Variants in CCDC27 observed in about 807,000 individuals in gnomAD.
The protein encoded by CCDC27 is coiled-coil domain containing 27.
Under a neutral mutation model 80.3 loss-of-function variants are expected in CCDC27, and 80 were observed. That is an observed-to-expected ratio of 1.00 (90% CI 0.83 to 1.20). CCDC27 has a LOEUF of 1.20. CCDC27 is among the 50% of genes most tolerant of loss of function. The probability of loss-of-function intolerance (pLI) is 0.00; values close to 1 mark genes in which losing one functional copy is unlikely to be tolerated. For missense variants in CCDC27, 815 were observed against 809.4 expected (o/e 1.01, Z -0.08); for synonymous variants, 342 against 334.3 (o/e 1.02, Z -0.25).
chr1:3,762,625 G>C lies in CCDC27; in HGVS notation c.867G>C (p.Gln289His). Reference protein sequence around the residue: ...ETSMSPGRREQLSDASLKLGR... With the variant: ...ETSMSPGRREHLSDASLKLGR... ...GTCCCACGGGCGTCTTGCAGGAGCA[G>C]CTCTCAGACGCTTCGCTGAAGCTGG... Residue 289 changes from glutamine (Q) to histidine (H), a missense_variant, in exon 6 of 12, where the codon CAG becomes CAC. Coordinates refer to ENST00000294600, the MANE Select transcript of CCDC27 (RefSeq NM_152492.3). 6.4e-7 allele frequency: 1 copy of C among 1,550,732 alleles called. No individual in the cohort carries two copies. The highest frequency in any genetic ancestry group is 8.7e-7 in the Non-Finnish European group (1 of 1,146,748).
intron 4 of CCDC27, 114 bp downstream of exon 4, chr1:3,757,004 AAGC>A: frequency 1.6e-6 from 2 of 1,290,252 alleles, no homozygotes; most frequent in Non-Finnish European, 2.1e-6. Flanking sequence ...TAGCTGCATC[AAGC>A]AGGTCCCCAT....
rs746307303 is a variant in CCDC27 at position 3,763,110 on chromosome 1, G to GGGTA, written c.957_958insGGTA (p.Gln320GlyfsTer49). ...CCCCTGCCCTACCCATCTTACAGAT[G>GGGTA]CAGGAGGAGTCTGCGGCACCGGAGA... is the stretch of plus-strand genomic sequence containing the variant. On this transcript the variant is annotated frameshift_variant, in exon 7 of 12. Coordinates refer to ENST00000294600, the MANE Select transcript of CCDC27 (RefSeq NM_152492.3). LOFTEE classifies it high-confidence loss of function. The surrounding 1 kb of genome is among the most constrained non-coding windows in gnomAD (Gnocchi z 7.5). 1.4e-6 allele frequency: 2 copies of GGGTA among 1,473,332 alleles called. No homozygotes were observed. The highest frequency in any genetic ancestry group is 2.9e-5 in the South Asian group (2 of 69,352). The allele number at this position is 1,473,332 out of a possible 1,614,324, so 91.3% of individuals were successfully genotyped here. A position where few individuals can be genotyped will look rare whatever the true frequency, so the allele number is the denominator to read the frequency against.
rs1643052655 is a variant in CCDC27 at position 3,760,166 on chromosome 1, A to ACC, written c.712-1114_712-1113dup. Among the ~76,000 whole-genome samples, 1 of 152,194 alleles carries ACC rather than the reference A, an allele frequency of 6.6e-6. No individual in the cohort carries two copies. Among genetic ancestry groups the ACC allele is most frequent in the Non-Finnish European group, 1.5e-5 (1 of 68,050 alleles). On this transcript the variant is annotated intron_variant, in intron 4 of 11. Transcript: ENST00000294600. This position sits in a 1 kb window ranked among gnomAD's most constrained non-coding sequence, Gnocchi z 4.3. ...TTTTGAGACGTGCAAGTGTCTCGGG[A>ACC]CCATGGCTTGGGTGATGAAATGTGA...
At position 3,763,993 on chromosome 1, in the gene CCDC27, T is replaced by C. The variant is rs547375977; in HGVS notation, c.1452+157T>C. ...AGCTGGCCCAGGGTTGTGCGGCTGA[T>C]AGCGGCCCCGCTAGGATTCCCCAAG... is the stretch of plus-strand genomic sequence containing the variant. On this transcript the variant is annotated intron_variant, in intron 8 of 11. Coordinates refer to ENST00000294600, the MANE Select transcript of CCDC27 (RefSeq NM_152492.3). This position sits in a 1 kb window ranked among gnomAD's most constrained non-coding sequence, Gnocchi z 7.5. Among the ~76,000 whole-genome samples, 6 of 152,176 alleles carry C rather than the reference T, an allele frequency of 3.9e-5. No homozygotes were observed. Among genetic ancestry groups the C allele is most frequent in the Non-Finnish European group, 8.8e-5 (6 of 68,028 alleles).
intron 11 of CCDC27, among the ~76,000 whole-genome samples, chr1:3,770,547 C>A (rs1229582052): frequency 6.6e-6 from 1 of 152,258 alleles, no homozygotes; most frequent in Non-Finnish European, 1.5e-5. Flanking sequence ...CGGGCACCGG[C>A]TATGGCTCTG....
rs1002491444 is a variant in CCDC27 at position 3,756,612 on chromosome 1, G to C, written c.554-121G>C. ...AGAGTTAGGAGACAGATTGGAGTCT[G>C]TCTGGGCAGATAGGGGTTTCCGAGG... On this transcript the variant is annotated intron_variant, in intron 3 of 11. Transcript: ENST00000294600. The C allele has an allele frequency of 6.8e-5, 70 of 1,032,290 alleles. No homozygotes were observed. The Admixed American group carries it at 8.5e-4, about 12-fold the overall frequency. The allele number at this position is 1,032,290 out of a possible 1,614,324, so 63.9% of individuals were successfully genotyped here. A position where few individuals can be genotyped will look rare whatever the true frequency, so the allele number is the denominator to read the frequency against.
Position 3,753,324 on chromosome 1 carries a change from T to C in CCDC27, c.318+525T>C, listed in dbSNP as rs370048436. Among the ~76,000 whole-genome samples, 10 of 111,984 alleles carry C rather than the reference T, an allele frequency of 8.9e-5. No homozygotes were observed. The East Asian group carries it at 2.4e-3, about 27-fold the overall frequency. The allele number at this position is 111,984 out of a possible 152,430, so 73.5% of individuals were successfully genotyped here. A position where few individuals can be genotyped will look rare whatever the true frequency, so the allele number is the denominator to read the frequency against. ...ATGGTTTCTTTTTTTCTTTTTCTTTTTTTTTTTTTTTTTTTTGAGACGGAG... is the reference window on the plus strand; with the variant it reads ...ATGGTTTCTTTTTTTCTTTTTCTTTCTTTTTTTTTTTTTTTTGAGACGGAG... On this transcript the variant is annotated intron_variant, in intron 1 of 11. Transcript: ENST00000294600.
intron 4 of CCDC27, among the ~76,000 whole-genome samples, chr1:3,759,963 A>G (rs1192968640): frequency 6.6e-6 from 1 of 152,204 alleles, no homozygotes; most frequent in Non-Finnish European, 1.5e-5. Context: ...CAGGAGCTCC[A>G]AGGGGCTCAT....
intron 4 of CCDC27, among the ~76,000 whole-genome samples, chr1:3,759,812 T>C (rs1217342606): frequency 6.6e-6 from 1 of 152,242 alleles, no homozygotes; most frequent in Non-Finnish European, 1.5e-5. Context: ...AGTAATTTCA[T>C]TTCTGAGAAA....
At position 3,755,482 on chromosome 1, in the gene CCDC27, C is replaced by A. The variant is rs769266294; in HGVS notation, c.468C>A (p.Ser156=). The A allele has an allele frequency of 3.7e-6, 6 of 1,614,134 alleles. No homozygotes were observed. The East Asian group carries it at 1.3e-4, about 36-fold the overall frequency. The change falls in exon 3 of 12, where the codon TCC becomes TCA. Residue 156 remains serine, a synonymous_variant. Transcript: ENST00000294600. ...GTTCACCCACTGAGGCCGATTTGTC[C>A]GGAGAGATTGACAACAGCTCGGAGA... The part of the protein sequence containing the change: ...HCGSPTEADL[S]GEIDNSSETW...
At chr1:3,752,830 A>T (rs1642857095) in intron 1 of CCDC27, 31 bp downstream of exon 1, 1 of 1,593,258 alleles carries the variant, frequency 6.3e-7, no homozygotes, top group Non-Finnish European at 8.6e-7. Context: ...GGCTGCCACG[A>T]GCCTTGAGGT....
In CCDC27 at chr1:3,755,543, C is replaced by T. The variant is rs774973075; in HGVS notation, c.529C>T (p.Arg177Trp). 11 of 1,613,854 alleles carry T rather than the reference C, an allele frequency of 6.8e-6. No individual in the cohort carries two copies. Among genetic ancestry groups the T allele is most frequent in the Admixed American group, 1.7e-5 (1 of 60,006 alleles). ...CACCCAGGACCTGTTCTTGGCCAGG[C>T]GGGGCTCAGACACGAACGTGGACGG... ...RGTQDLFLARRGSDTNVDGYL... is the reference protein window; with the variant it reads ...RGTQDLFLARWGSDTNVDGYL... Residue 177 changes from arginine to tryptophan, a missense_variant, in exon 3 of 12, where the codon CGG becomes TGG. Arg to Trp is a moderately radical substitution (Grantham distance 101, BLOSUM62 -3). Coordinates refer to ENST00000294600, the MANE Select transcript of CCDC27 (RefSeq NM_152492.3).
intron 6 of CCDC27, 27 bp downstream of exon 6, chr1:3,762,739 G>A (rs918147923): frequency 1.8e-5 from 27 of 1,540,276 alleles, no homozygotes; most frequent in South Asian, 4.8e-5. Context: ...GAGCAGGCAC[G>A]CAGTGGGGGA....
chr1:3,767,679 C>T (rs1408819095), intron 10 of CCDC27, among the ~76,000 whole-genome samples: 2 of 152,170 alleles, frequency 1.3e-5, no homozygotes, highest in South Asian at 2.1e-4. Flanking sequence ...CAGTGGTGGG[C>T]GGAGCCCCAT....
At chr1:3,753,626 A>T (rs953222939) in intron 1 of CCDC27, among the ~76,000 whole-genome samples, 26 of 152,226 alleles carry the variant, frequency 1.7e-4, no homozygotes, top group African/African-American at 6.0e-4. Flanking sequence ...ATGAGCCACC[A>T]TGCCCGGCTG....
chr1:3,758,744 C>T lies in CCDC27; in HGVS notation c.711+1854C>T, dbSNP rs558363677. ...TCGAATAGCTGGGACCACAGGCACACGCCACCATGCCCATTAATTTTTTTC... is the reference window on the plus strand; with the variant it reads ...TCGAATAGCTGGGACCACAGGCACATGCCACCATGCCCATTAATTTTTTTC... On this transcript the variant is annotated intron_variant, in intron 4 of 11. Coordinates refer to ENST00000294600, the MANE Select transcript of CCDC27 (RefSeq NM_152492.3). 2.3e-3 allele frequency among the ~76,000 whole-genome samples: 355 copies of T among 152,304 alleles called. 2 individuals are homozygous for T. The highest frequency in any genetic ancestry group is 8.1e-3 in the African/African-American group (338 of 41,582).
chr1:3,753,443 C>A (rs557120572), intron 1 of CCDC27, among the ~76,000 whole-genome samples: 1 of 152,120 alleles, frequency 6.6e-6, no homozygotes, highest in East Asian at 1.9e-4. Context: ...CCAGCCTCAG[C>A]CTCCAGAGTA....
Position 3,763,110 on chromosome 1 carries a change from G to T in CCDC27, c.957G>T (p.Met319Ile). 1 of 1,473,332 alleles carries T rather than the reference G, an allele frequency of 6.8e-7. No individual in the cohort carries two copies. Among genetic ancestry groups the T allele is most frequent in the Non-Finnish European group, 9.0e-7 (1 of 1,111,580 alleles). 91.3% of individuals were successfully genotyped at this position (1,473,332 alleles called of 1,614,324 possible). Reference sequence around the variant, plus strand: ...CCCCTGCCCTACCCATCTTACAGATGCAGGAGGAGTCTGCGGCACCGGAGA... The same window carrying T: ...CCCCTGCCCTACCCATCTTACAGATTCAGGAGGAGTCTGCGGCACCGGAGA... Reference protein sequence around the residue: ...HEEELQHWWQMQEESAAPERG... With the variant: ...HEEELQHWWQIQEESAAPERG... The change falls in exon 7 of 12, where the codon ATG becomes ATT. Residue 319 changes from methionine (M) to isoleucine (I), a missense_variant and splice_region_variant. Met to Ile is a conservative substitution (Grantham distance 10, BLOSUM62 1). Coordinates refer to ENST00000294600, the MANE Select transcript of CCDC27 (RefSeq NM_152492.3). The surrounding 1 kb of genome is among the most constrained non-coding windows in gnomAD (Gnocchi z 7.5).
chr1:3,753,227 G>C (rs1404801581), intron 1 of CCDC27, among the ~76,000 whole-genome samples: 1 of 152,186 alleles, frequency 6.6e-6, no homozygotes, highest in East Asian at 1.9e-4. Flanking sequence ...CCGTGTACTG[G>C]GGGAGCCCGA....
Sources: allele counts gnomAD v4.1 joint callset (sites outside exome capture counted in the v4.1 genomes callset), GRCh38; gene constraint gnomAD v4.1.1; non-coding constraint Gnocchi (gnomAD v3.1); transcripts MANE v1.5; gene names NCBI Gene and HGNC (gene_info 2026-07-23, HGNC 2026-07-21).